Variants in HLCS observed in about 807,000 individuals in gnomAD.
HLCS encodes holocarboxylase synthetase.
A neutral mutation model predicts 75.0 loss-of-function variants in HLCS; 53 were observed. The observed-to-expected ratio is 0.71, with a 90% CI of 0.57 to 0.89. HLCS has a LOEUF of 0.89. Among genes scored for constraint, HLCS ranks in the 40% least tolerant of loss-of-function variants. The pLI is 0.00. For synonymous variants in HLCS, 431 were observed against 428.6 expected (o/e 1.01, Z -0.07); for missense variants, 966 against 1,074.0 (o/e 0.90, Z 1.41).
chr21:36,873,820 C>T (rs903650963), intron 6 of HLCS, among the ~76,000 whole-genome samples: 2 of 152,170 alleles, frequency 1.3e-5, no homozygotes, highest in African/African-American at 4.8e-5. Context: ...AGGCTGGTCT[C>T]AAACTCCTAG....
At chr21:36,810,129 T>C (rs1216130319) in intron 6 of HLCS, among the ~76,000 whole-genome samples, 2 of 152,258 alleles carry the variant, frequency 1.3e-5, no homozygotes, top group Non-Finnish European at 2.9e-5. Flanking sequence ...ATTTGATTTC[T>C]CTTTTTCTTG....
intron 6 of HLCS, among the ~76,000 whole-genome samples, chr21:36,820,863 G>C (rs1217391529): frequency 6.6e-6 from 1 of 152,234 alleles, no homozygotes; most frequent in African/African-American, 2.4e-5. Flanking sequence ...GACCCCAAAA[G>C]CACGGAAAAA....
chr21:36,810,372 G>A (rs2061477333), intron 6 of HLCS, among the ~76,000 whole-genome samples: 1 of 152,156 alleles, frequency 6.6e-6, no homozygotes, highest in African/African-American at 2.4e-5. Context: ...TTCTATGCAT[G>A]TATGGTTCAG....
At chr21:36,943,116 C>A (rs535856141) in intron 2 of HLCS, among the ~76,000 whole-genome samples, 1 of 152,168 alleles carries the variant, frequency 6.6e-6, no homozygotes, top group East Asian at 1.9e-4. Context: ...TAATACACTG[C>A]TGGTAGAAAT....
intron 6 of HLCS, among the ~76,000 whole-genome samples, chr21:36,793,216 T>C (rs2060922753): frequency 6.6e-6 from 1 of 151,994 alleles, no homozygotes; most frequent in Admixed American, 6.5e-5. Flanking sequence ...CGACCCCCGC[T>C]GCTTACATGA....
intron 6 of HLCS, among the ~76,000 whole-genome samples, chr21:36,790,249 C>CA (rs2060819214): frequency 6.6e-6 from 1 of 152,032 alleles, no homozygotes; most frequent in African/African-American, 2.4e-5. Context: ...ACTAAAAATA[C>CA]AAAAATTAGC....
chr21:36,962,418 T>A (rs2068348301), intron 1 of HLCS, among the ~76,000 whole-genome samples: 1 of 152,150 alleles, frequency 6.6e-6, no homozygotes, highest in African/African-American at 2.4e-5. Flanking sequence ...TTTCAAGCCA[T>A]GAATTCTGAA....
chr21:36,764,291 G>T (rs572036321), intron 8 of HLCS, among the ~76,000 whole-genome samples: 2 of 152,332 alleles, frequency 1.3e-5, no homozygotes, highest in African/African-American at 4.8e-5. Context: ...CAGCTACTCA[G>T]GAGGCTGAGG....
chr21:36,838,561 G>T (rs527492845), intron 6 of HLCS, among the ~76,000 whole-genome samples: 1 of 151,982 alleles, frequency 6.6e-6, no homozygotes, highest in Non-Finnish European at 1.5e-5. Flanking sequence ...AAAATTAGCC[G>T]GGAGAGGTGA....
In HLCS at chr21:36,867,812, C is replaced by T. The variant is rs114349896; in HGVS notation, c.1892+29048G>A. On this transcript the variant is annotated intron_variant, in intron 6 of 10. Transcript: ENST00000674895. Reference sequence around the variant, plus strand: ...ACTGTCAAGTCTCTTACTATAGCAACTTAATCTTTTATCCCAACATAGAAA... The same window carrying T: ...ACTGTCAAGTCTCTTACTATAGCAATTTAATCTTTTATCCCAACATAGAAA... Among the ~76,000 whole-genome samples the T allele has an allele frequency of 1.3e-3, 192 of 152,304 alleles. No individual in the cohort carries two copies. The Middle Eastern group carries it at 0.017, about 13-fold the overall frequency.
At chr21:36,871,605 CCA>C (rs1192729184) in intron 6 of HLCS, among the ~76,000 whole-genome samples, 1 of 152,044 alleles carries the variant, frequency 6.6e-6, no homozygotes, top group Non-Finnish European at 1.5e-5. Flanking sequence ...AAAAAACTGT[CCA>C]CAGTTATTTG....
chr21:36,964,953 C>G (rs1232798077), intron 1 of HLCS, among the ~76,000 whole-genome samples: 5 of 152,202 alleles, frequency 3.3e-5, no homozygotes, highest in Non-Finnish European at 5.9e-5. Context: ...TCCCAACGCT[C>G]TAAGCCATAC....
chr21:36,824,132 A>G (rs551890557), intron 6 of HLCS, among the ~76,000 whole-genome samples: 1 of 152,322 alleles, frequency 6.6e-6, no homozygotes, highest in Admixed American at 6.5e-5. Flanking sequence ...ATACAAAAAA[A>G]GTGCACACAT....
At chr21:36,906,447 T>G (rs140210279) in intron 5 of HLCS, among the ~76,000 whole-genome samples, 1 of 152,194 alleles carries the variant, frequency 6.6e-6, no homozygotes, top group South Asian at 2.1e-4. Context: ...GGTGAGAGGA[T>G]CACTTGAGCC....
chr21:36,823,609 G>GT (rs2061911740), intron 6 of HLCS, among the ~76,000 whole-genome samples: 1 of 126,194 alleles, frequency 7.9e-6, no homozygotes, highest in Admixed American at 7.9e-5. Context: ...CAAACGTGCA[G>GT]GGTGTGTGTG....
intron 4 of HLCS, among the ~76,000 whole-genome samples, chr21:36,930,962 C>T (rs963974199): frequency 6.6e-6 from 1 of 152,100 alleles, no homozygotes; most frequent in African/African-American, 2.4e-5. Flanking sequence ...TATGACCTTC[C>T]GCAAGTTACT....
chr21:36,896,873 G>T lies in HLCS; in HGVS notation c.1879C>A (p.Arg627Ser), dbSNP rs112518921. The change falls in exon 6 of 11, where the codon CGT becomes AGT. Residue 627 changes from arginine to serine, a missense_variant. Coordinates refer to ENST00000674895, the MANE Select transcript of HLCS (RefSeq NM_001352514.2). ...CTCACACCTTACCCATCCAGGAGAC[G>T]CATCGTTGTGGGGGTCACTTCGGCA... ...LFAEVTPTTM[R>S]LLDGLMFQTP... The T allele has an allele frequency of 6.2e-7, 1 of 1,614,072 alleles. No individual in the cohort carries two copies. Among genetic ancestry groups the T allele is most frequent in the Non-Finnish European group, 8.5e-7 (1 of 1,179,966 alleles).
chr21:36,756,232 A>T (rs1379195895), intron 10 of HLCS, among the ~76,000 whole-genome samples: 3 of 151,390 alleles, frequency 2.0e-5, no homozygotes, highest in Non-Finnish European at 4.4e-5. Flanking sequence ...AGGTCAGGAG[A>T]TCGAGACCAT....
At chr21:36,762,669 A>T (rs1275044280) in intron 8 of HLCS, among the ~76,000 whole-genome samples, 1 of 152,212 alleles carries the variant, frequency 6.6e-6, no homozygotes, top group East Asian at 1.9e-4. Flanking sequence ...ATTCAAAATC[A>T]AATGTCCCAT....
Sources: allele counts gnomAD v4.1 joint callset (sites outside exome capture counted in the v4.1 genomes callset), GRCh38; gene constraint gnomAD v4.1.1; transcripts MANE v1.5; gene names NCBI Gene and HGNC (gene_info 2026-07-23, HGNC 2026-07-21).